The following COL21A1 variants were observed in gnomAD, a reference collection of about 807,000 sequenced individuals.
The protein encoded by COL21A1 is collagen alpha-1(XXI) chain.
In COL21A1, 149 loss-of-function variants were observed where a neutral mutation model predicts 137.9. The ratio of observed to expected loss-of-function variants is 1.08; its 90% CI spans 0.95 to 1.24. The LOEUF is 1.24. Ranked by LOEUF, COL21A1 falls within the 50% of genes most tolerant of loss-of-function variation. COL21A1 has a pLI of 0.00. For synonymous variants in COL21A1, 456 were observed against 391.5 expected (o/e 1.16, Z -1.95); for missense variants, 1,167 against 1,158.4 (o/e 1.01, Z -0.11).
intron 17 of COL21A1, among the ~76,000 whole-genome samples, chr6:56,098,528 AATAT>A (rs1300460516): frequency 6.0e-5 from 1 of 16,794 alleles, no homozygotes; most frequent in Admixed American, 9.3e-4. Context: ...TAAATATATA[AATAT>A]ATATATAAAT....
At chr6:56,295,136 T>G (rs1420500350) in intron 1 of COL21A1, among the ~76,000 whole-genome samples, 1 of 152,016 alleles carries the variant, frequency 6.6e-6, no homozygotes, top group East Asian at 1.9e-4. Flanking sequence ...TTGGAATCTT[T>G]TTCATTTTAT....
At chr6:56,072,567 G>A (rs1766851750) in intron 20 of COL21A1, among the ~76,000 whole-genome samples, 2 of 151,392 alleles carry the variant, frequency 1.3e-5, no homozygotes, top group African/African-American at 2.4e-5. Flanking sequence ...CGAATATAGA[G>A]GTCAGTACAC....
At chr6:56,092,728 A>G (rs969593027) in intron 17 of COL21A1, among the ~76,000 whole-genome samples, 4 of 152,190 alleles carry the variant, frequency 2.6e-5, no homozygotes, top group African/African-American at 9.6e-5. Context: ...GGTTCATTAC[A>G]TAAAATGATT....
intron 1 of COL21A1, among the ~76,000 whole-genome samples, chr6:56,321,302 G>T (rs1257257476): frequency 6.6e-6 from 1 of 152,088 alleles, no homozygotes; most frequent in Admixed American, 6.6e-5. Flanking sequence ...TGTGCTTGTT[G>T]CCCATTATAA....
chr6:56,170,661 G>C lies in COL21A1; in HGVS notation c.1014C>G (p.Asn338Lys). The C allele has an allele frequency of 6.3e-7, 1 of 1,591,898 alleles. No homozygotes were observed. Among genetic ancestry groups the C allele is most frequent in the South Asian group, 1.1e-5 (1 of 88,320 alleles). ...INGSQVVTFA[N>K]PQVKTLFDEG... is the part of the protein sequence containing the mutation. The stretch of plus-strand genomic sequence containing the variant: ...CAGGCATCTTTACCTTAACTTGAGG[G>C]TTAGCAAAGGTAACCACTTGTGAGC... Residue 338 changes from asparagine (N) to lysine (K), a missense_variant, in exon 5 of 30, where the codon AAC becomes AAG. Coordinates refer to ENST00000244728, the MANE Select transcript of COL21A1 (RefSeq NM_030820.4).
intron 1 of COL21A1, among the ~76,000 whole-genome samples, chr6:56,311,757 G>C (rs1171014958): frequency 1.3e-5 from 2 of 152,134 alleles, no homozygotes; most frequent in African/African-American, 4.8e-5. Context: ...GCCTTGACAT[G>C]GTCACTCCCT....
At chr6:56,107,794 CA>C (rs1771081061) in intron 16 of COL21A1, among the ~76,000 whole-genome samples, 1 of 152,044 alleles carries the variant, frequency 6.6e-6, no homozygotes, top group Non-Finnish European at 1.5e-5. Context: ...TTATTAAACC[CA>C]AATGTGACCG....
chr6:56,312,705 T>G (rs967645469), intron 1 of COL21A1, among the ~76,000 whole-genome samples: 1 of 73,186 alleles, frequency 1.4e-5, no homozygotes, highest in Non-Finnish European at 3.4e-5. Context: ...CCGAAAAATA[T>G]GAATGGTAGT....
At chr6:56,077,230 A>T (rs1027653928) in intron 18 of COL21A1, among the ~76,000 whole-genome samples, 1 of 151,520 alleles carries the variant, frequency 6.6e-6, no homozygotes, top group African/African-American at 2.4e-5. Context: ...ATTCAAAAAT[A>T]TAGTTAAGTA....
At chr6:56,148,429 C>T (rs1317936300) in intron 10 of COL21A1, among the ~76,000 whole-genome samples, 1 of 150,644 alleles carries the variant, frequency 6.6e-6, no homozygotes. Context: ...GGTGAGAGTT[C>T]AGGTAGACAC....
intron 1 of COL21A1, among the ~76,000 whole-genome samples, chr6:56,191,001 C>G (rs957693845): frequency 1.3e-5 from 2 of 152,170 alleles, no homozygotes; most frequent in Non-Finnish European, 2.9e-5. Flanking sequence ...CAATATCATA[C>G]TGAATAGGCA....
intron 1 of COL21A1, among the ~76,000 whole-genome samples, chr6:56,271,853 A>G (rs7746772): frequency 0.89 from 135,260 of 152,270 alleles, 60,215 homozygotes; most frequent in African/African-American, 0.93. Context: ...CAAGCCCCAC[A>G]GCTTGGTGGC....
Position 56,057,529 on chromosome 6 carries a change from GA to G in COL21A1, c.*127del, listed in dbSNP as rs1008651786. The G allele has an allele frequency of 9.8e-4, 761 of 779,920 alleles. No individual in the cohort carries two copies. The highest frequency in any genetic ancestry group is 1.6e-3 in the Middle Eastern group (4 of 2,552). The allele number at this position is 779,920 out of a possible 1,614,324, so 48.3% of individuals were successfully genotyped here. A position where few individuals can be genotyped will look rare whatever the true frequency, so the allele number is the denominator to read the frequency against. ...TGATCTTTTATATTTTTTTCCATAAGAAAAAAAAAATAAAAACACCGAGGTA... is the reference window on the plus strand; with the variant it reads ...TGATCTTTTATATTTTTTTCCATAAGAAAAAAAAATAAAAACACCGAGGTA... On this transcript the variant is annotated 3_prime_UTR_variant, in exon 30 of 30. Coordinates refer to ENST00000244728, the MANE Select transcript of COL21A1 (RefSeq NM_030820.4).
At chr6:56,200,873 C>T (rs1023094157) in intron 1 of COL21A1, among the ~76,000 whole-genome samples, 3 of 152,090 alleles carry the variant, frequency 2.0e-5, no homozygotes, top group South Asian at 2.1e-4. Context: ...CCTGAGGAAT[C>T]GCCACACTGA....
chr6:56,097,416 C>A (rs954620843), intron 17 of COL21A1, among the ~76,000 whole-genome samples: 1 of 152,006 alleles, frequency 6.6e-6, no homozygotes, highest in Non-Finnish European at 1.5e-5. Flanking sequence ...GCTTGCTTAT[C>A]CTTTTACCAT....
rs60388494 is a variant in COL21A1, at chr6:56,316,477, C to CTTTTTTTTTTTTTTTTTT, written c.-39+77476_-39+77493dup. 9.2e-5 allele frequency among the ~76,000 whole-genome samples: 7 copies of CTTTTTTTTTTTTTTTTTT among 75,786 alleles called. 1 individual carries two copies. The highest frequency in any genetic ancestry group is 1.6e-4 in the Non-Finnish European group (7 of 43,400). The allele number at this position is 75,786 out of a possible 152,430, so 49.7% of individuals were successfully genotyped here. A position where few individuals can be genotyped will look rare whatever the true frequency, so the allele number is the denominator to read the frequency against. On this transcript the variant is annotated intron_variant, in intron 1 of 28. Coordinates refer to the COL21A1 transcript ENST00000370819. ...CACACCTTTTAAAATTCTAAATAGACTTTTTTTTTTTTTTTTTTTTTTGAG... is the reference window on the plus strand; with the variant it reads ...CACACCTTTTAAAATTCTAAATAGACTTTTTTTTTTTTTTTTTTTTTTTTTTTTTTTTTTTTTTTTGAG...
At chr6:56,062,064 GACTAGTGTA>G (rs1765845640) in intron 24 of COL21A1, among the ~76,000 whole-genome samples, 2 of 151,996 alleles carry the variant, frequency 1.3e-5, no homozygotes, top group African/African-American at 4.8e-5. Flanking sequence ...TGATTAAGAT[GACTAGTGTA>G]TTTTCCCAAG....
intron 1 of COL21A1, among the ~76,000 whole-genome samples, chr6:56,300,143 C>T (rs1300824250): frequency 6.6e-6 from 1 of 151,948 alleles, no homozygotes; most frequent in Non-Finnish European, 1.5e-5. Flanking sequence ...TGCCGGAAGC[C>T]AACATGAATA....
intron 16 of COL21A1, among the ~76,000 whole-genome samples, chr6:56,102,625 C>A (rs1448491590): frequency 3.3e-5 from 5 of 152,142 alleles, no homozygotes; most frequent in African/African-American, 1.2e-4. Context: ...ATTTCATATT[C>A]TAATGAATTT....
Sources: gnomAD v4.1 joint callset for allele counts (sites outside exome capture counted in the v4.1 genomes callset) on GRCh38, gnomAD v4.1.1 for gene constraint, MANE v1.5 for transcripts, NCBI Gene and HGNC (gene_info 2026-07-23, HGNC 2026-07-21) for gene names.